Variants in PUS7 observed in about 807,000 individuals in gnomAD.
PUS7 encodes the protein pseudouridine synthase 7.
A neutral mutation model predicts 79.8 loss-of-function variants in PUS7; 48 were observed. The ratio of observed to expected loss-of-function variants is 0.60; its 90% CI spans 0.48 to 0.76. The LOEUF (loss-of-function observed/expected upper bound fraction) is 0.76. Ranked by LOEUF, PUS7 falls within the 30% of genes least tolerant of loss-of-function variation. The probability of loss-of-function intolerance (pLI) is 0.00; values close to 1 mark genes in which losing one functional copy is unlikely to be tolerated. For synonymous variants in PUS7, 286 were observed against 272.2 expected (o/e 1.05, Z -0.50); for missense variants, 729 against 797.6 (o/e 0.91, Z 1.04).
chr7:105,481,281 C>T (rs1824309675), intron 8 of PUS7, 104 bp from the exon 9 acceptor site: 3 of 887,776 alleles, frequency 3.4e-6, no homozygotes, highest in Non-Finnish European at 4.8e-6. Flanking sequence ...TTCGTTCACT[C>T]TCCTGCAGCT....
Position 105,462,730 on chromosome 7 carries a change from T to C in PUS7, c.1648A>G (p.Met550Val), listed in dbSNP as rs1823483625. ...KHKIQEAYRE[M>V]LTADNLDIDN... Reference sequence around the variant, plus strand: ...ATATCAAGATTGTCAGCTGTGAGCATTTCCCTGTAGGCTTCTTGAACTAAT... The same window carrying C: ...ATATCAAGATTGTCAGCTGTGAGCACTTCCCTGTAGGCTTCTTGAACTAAT... The change falls in exon 14 of 16, where the codon ATG (methionine) becomes GTG (valine). Residue 550 changes from methionine (M) to valine (V), a missense_variant. By Grantham distance (21) the Met-to-Val change is conservative. Transcript: ENST00000469408. 2 of 1,613,206 alleles carry C rather than the reference T, an allele frequency of 1.2e-6. No homozygotes were observed. Among genetic ancestry groups the C allele is most frequent in the African/African-American group, 2.7e-5 (2 of 74,922 alleles).
chr7:105,480,161 T>TA (rs1824262654), intron 9 of PUS7, among the ~76,000 whole-genome samples: 1 of 152,070 alleles, frequency 6.6e-6, no homozygotes, highest in African/African-American at 2.4e-5. Context: ...AGCCAAGACT[T>TA]ACCTGTTACA....
At position 105,502,323 on chromosome 7, in the gene PUS7, T is replaced by C. The variant is rs1453473167; in HGVS notation, c.730+97A>G. 3.5e-6 allele frequency: 5 copies of C among 1,429,636 alleles called. No homozygotes were observed. In the East Asian group the frequency reaches 9.1e-5, roughly 26 times the overall value. 88.6% of individuals were successfully genotyped at this position (1,429,636 alleles called of 1,614,324 possible). A position where few individuals can be genotyped will look rare whatever the true frequency, so the allele number is the denominator to read the frequency against. On this transcript the variant is annotated intron_variant, in intron 5 of 15. Coordinates refer to ENST00000469408, the MANE Select transcript of PUS7 (RefSeq NM_019042.5). ...ATCAATATTGTTCTCTGAGCAGCAC[T>C]ATAGTAGCCCTTGAACACGAACGGG...
In PUS7 at chr7:105,470,802, G is replaced by C. The variant is rs1823843369; in HGVS notation, c.1284C>G (p.Thr428=). 1.2e-6 allele frequency: 2 copies of C among 1,610,516 alleles called. No homozygotes were observed. The highest frequency in any genetic ancestry group is 1.7e-6 in the Non-Finnish European group (2 of 1,177,236). The change falls in exon 11 of 16, where the codon ACC becomes ACG. Residue 428 remains threonine, a synonymous_variant. Transcript: ENST00000469408. The stretch of plus-strand genomic sequence containing the variant: ...TTCTGAGGGCAGCAGTTGGGTCTTT[G>C]GTCTTTGCCCATTCTTCTCTGCATT... The part of the protein sequence containing the change: ...LVKCREEWAK[T]KDPTAALRKL...
intron 6 of PUS7, among the ~76,000 whole-genome samples, chr7:105,492,797 G>A (rs1207267406): frequency 2.6e-5 from 4 of 152,022 alleles, no homozygotes; most frequent in East Asian, 3.9e-4. Flanking sequence ...GTGAGCCACC[G>A]CGCCCGGCCG....
rs1383095558 is a variant in PUS7, at chr7:105,466,857, A to C, written c.1526-1443T>G. Among the ~76,000 whole-genome samples the C allele has an allele frequency of 1.3e-5, 2 of 152,068 alleles. 1 individual carries two copies. The highest frequency in any genetic ancestry group is 4.1e-4 in the South Asian group (2 of 4,836). ...GTGACCAACATGGCATGAGGAAAAG[A>C]AGCTAAATCAGGAAAAATAATTTAA... On this transcript the variant is annotated intron_variant, in intron 12 of 15. Coordinates refer to ENST00000469408, the MANE Select transcript of PUS7 (RefSeq NM_019042.5).
chr7:105,502,213 G>A (rs1825281208), intron 5 of PUS7, among the ~76,000 whole-genome samples: 1 of 152,062 alleles, frequency 6.6e-6, no homozygotes. Flanking sequence ...TCACATAAAA[G>A]ACCTAATGCC....
chr7:105,508,018 G>GGA, intron 2 of PUS7, 97 bp downstream of exon 2: 1 of 1,414,072 alleles, frequency 7.1e-7, no homozygotes, highest in Non-Finnish European at 9.3e-7. Context: ...AACAAGCCTT[G>GGA]GAGATGGAAA....
intron 10 of PUS7, among the ~76,000 whole-genome samples, chr7:105,471,265 T>G (rs866157017): frequency 1.8e-4 from 27 of 152,212 alleles, no homozygotes; most frequent in African/African-American, 6.3e-4. Flanking sequence ...ATCAGTAGTT[T>G]AATCCTTTTC....
At chr7:105,489,475 G>A (rs527606018) in intron 7 of PUS7, among the ~76,000 whole-genome samples, 1 of 152,118 alleles carries the variant, frequency 6.6e-6, no homozygotes, top group Non-Finnish European at 1.5e-5. Context: ...TTCACTCTGA[G>A]CAAATGACTC....
At chr7:105,474,401 CAA>C (rs1025838585) in intron 9 of PUS7, among the ~76,000 whole-genome samples, 7 of 151,970 alleles carry the variant, frequency 4.6e-5, no homozygotes, top group East Asian at 1.9e-4. Flanking sequence ...CCAATACTGA[CAA>C]AAAGAGTATA....
Position 105,468,415 on chromosome 7 carries a change from C to T in PUS7, c.1447G>A (p.Val483Met). 1 of 1,612,954 alleles carries T rather than the reference C, an allele frequency of 6.2e-7. No individual in the cohort carries two copies. The change falls in exon 12 of 16, where the codon GTG (valine) becomes ATG (methionine). Residue 483 changes from valine (V) to methionine (M), a missense_variant. Coordinates refer to ENST00000469408, the MANE Select transcript of PUS7 (RefSeq NM_019042.5). ...CTCTTGCTTACCATGTTATTCCACA[C>T]ATAGCTTTGGTAGCTATGAATATAC... is the stretch of plus-strand genomic sequence containing the variant. ...LMYIHSYQSY[V>M]WNNMVSKRIE...
intron 5 of PUS7, among the ~76,000 whole-genome samples, chr7:105,500,314 G>A (rs1023780057): frequency 6.6e-6 from 1 of 152,206 alleles, no homozygotes; most frequent in Non-Finnish European, 1.5e-5. Context: ...ACAAAAAAAA[G>A]AAAGGCGGGT....
chr7:105,489,939 C>G (rs1272870755), intron 7 of PUS7, among the ~76,000 whole-genome samples: 2 of 151,814 alleles, frequency 1.3e-5, no homozygotes, highest in Non-Finnish European at 2.9e-5. Context: ...GCCAACATGG[C>G]GAAACTCCAT....
At chr7:105,516,642 C>T (rs960133981) in intron 1 of PUS7, among the ~76,000 whole-genome samples, 4 of 151,982 alleles carry the variant, frequency 2.6e-5, no homozygotes, top group Non-Finnish European at 4.4e-5. Context: ...TTAGTAGAGA[C>T]GGAGTTTCAC....
intron 7 of PUS7, among the ~76,000 whole-genome samples, chr7:105,485,862 C>A (rs554618362): frequency 1.3e-5 from 2 of 152,110 alleles, no homozygotes; most frequent in South Asian, 4.1e-4. Context: ...GTGGTGCGAT[C>A]TAAGCTTACT....
chr7:105,457,954 A>G (rs780259276), intron 15 of PUS7, 28 bp from the exon 16 acceptor site: 2 of 1,609,982 alleles, frequency 1.2e-6, no homozygotes, highest in South Asian at 2.2e-5. Context: ...AAACAGTCAG[A>G]AAATGAAGGC....
At chr7:105,512,101 C>T (rs1311280198) in intron 1 of PUS7, among the ~76,000 whole-genome samples, 3 of 126,996 alleles carry the variant, frequency 2.4e-5, no homozygotes, top group Non-Finnish European at 4.7e-5. Flanking sequence ...GTCGGGACTG[C>T]ACCACTGCAC....
intron 1 of PUS7, among the ~76,000 whole-genome samples, chr7:105,513,101 T>A (rs917382256): frequency 6.6e-6 from 1 of 152,088 alleles, no homozygotes; most frequent in Admixed American, 6.6e-5. Flanking sequence ...TGGGGAGACA[T>A]CCCAGTGGAG....
Sources: gnomAD v4.1 joint callset for allele counts (sites outside exome capture counted in the v4.1 genomes callset) on GRCh38, gnomAD v4.1.1 for gene constraint, MANE v1.5 for transcripts, NCBI Gene and HGNC (gene_info 2026-07-23, HGNC 2026-07-21) for gene names.